SPOP: variants seen among roughly 807,000 people sequenced by gnomAD.
SPOP encodes the protein speckle-type POZ protein.
A neutral mutation model predicts 45.6 loss-of-function variants in SPOP; 11 were observed. That is an observed-to-expected ratio of 0.24 (90% CI 0.15 to 0.40). SPOP has a LOEUF of 0.40. Among genes scored for constraint, SPOP ranks in the 10% least tolerant of loss-of-function variants. SPOP has a pLI of 1.00. For synonymous variants in SPOP, 166 were observed against 166.3 expected, an observed-to-expected ratio of 1.00 and a Z score of 0.01; for missense variants, 152 against 465.6, an observed-to-expected ratio of 0.33 and a Z score of 6.20.
At chr17:49,671,484 C>T (rs190965471) in intron 1 of SPOP, among the ~76,000 whole-genome samples, 1 of 151,890 alleles carries the variant, frequency 6.6e-6, no homozygotes, top group East Asian at 2.0e-4. Flanking sequence ...AGCAAGGAAG[C>T]ACTCATAGCT....
At chr17:49,608,991 G>A (rs935162961) in intron 6 of SPOP, among the ~76,000 whole-genome samples, 55 of 151,408 alleles carry the variant, frequency 3.6e-4, no homozygotes, top group African/African-American at 1.2e-3. Context: ...TCATTGCAAC[G>A]TCTGCCTCCT....
chr17:49,672,466 T>G (rs2073147897), intron 1 of SPOP, among the ~76,000 whole-genome samples: 1 of 152,246 alleles, frequency 6.6e-6, no homozygotes, highest in African/African-American at 2.4e-5. Context: ...TATGACATTG[T>G]GTTTCTCCTA....
intron 6 of SPOP, among the ~76,000 whole-genome samples, chr17:49,608,456 T>C (rs1174366295): frequency 6.6e-6 from 1 of 152,124 alleles, no homozygotes; most frequent in Non-Finnish European, 1.5e-5. Context: ...AGAGATGATA[T>C]TGCCCCAAAG....
Position 49,624,331 on chromosome 17 carries a change from G to GCGCACA in SPOP, c.-66-1456_-66-1455insTGTGCG, listed in dbSNP as rs71352523. Among the ~76,000 whole-genome samples, 535 of 149,304 alleles carry GCGCACA rather than the reference G, an allele frequency of 3.6e-3. 2 individuals carry two copies. Among genetic ancestry groups the GCGCACA allele is most frequent in the African/African-American group, 9.3e-3 (376 of 40,280 alleles). On this transcript the variant is annotated intron_variant, in intron 1 of 9. Coordinates refer to ENST00000504102, the MANE Select transcript of SPOP (RefSeq NM_001007228.2). ...GGAACACACACACACGCGCGCGCGC[G>GCGCACA]CACACACACACACACACACACACAC...
chr17:49,673,800 C>G (rs958131137), intron 1 of SPOP, among the ~76,000 whole-genome samples: 1 of 152,136 alleles, frequency 6.6e-6, no homozygotes, highest in African/African-American at 2.4e-5. Flanking sequence ...GTTCTGTTTT[C>G]TAATTGTTCT....
At chr17:49,672,483 TGCA>T (rs2073148267) in intron 1 of SPOP, among the ~76,000 whole-genome samples, 1 of 152,234 alleles carries the variant, frequency 6.6e-6, no homozygotes, top group Non-Finnish European at 1.5e-5. Flanking sequence ...CCTACTATGA[TGCA>T]GCGAGGAGCA....
chr17:49,630,223 T>G (rs1305960526), intron 1 of SPOP, among the ~76,000 whole-genome samples: 1 of 152,216 alleles, frequency 6.6e-6, no homozygotes, highest in African/African-American at 2.4e-5. Flanking sequence ...AAGACTTTTG[T>G]ATACTAATTT....
chr17:49,665,649 GACACACACACACACACACACACAC>G (rs71352530), intron 1 of SPOP, among the ~76,000 whole-genome samples: 5 of 126,790 alleles, frequency 3.9e-5, no homozygotes, highest in South Asian at 2.7e-4. Context: ...TATATATACA[GACACACACACACACACACACACAC>G]ACACACACAC....
chr17:49,611,512 C>A, intron 5 of SPOP, 55 bp from the exon 6 acceptor site: 1 of 1,496,804 alleles, frequency 6.7e-7, no homozygotes, highest in Non-Finnish European at 9.0e-7. Context: ...ATTTTTTTGC[C>A]AGCAGATAGA....
chr17:49,617,034 A>G (rs944446947), intron 5 of SPOP, among the ~76,000 whole-genome samples: 1 of 152,226 alleles, frequency 6.6e-6, no homozygotes, highest in Non-Finnish European at 1.5e-5. Flanking sequence ...GGGCAGGCCA[A>G]CTGGCTTCCA....
chr17:49,653,631 A>T lies in SPOP; in HGVS notation c.-67+24302T>A, dbSNP rs980799705. Among the ~76,000 whole-genome samples the T allele has an allele frequency of 9.2e-5, 14 of 151,822 alleles. No homozygotes were observed. In the East Asian group the frequency reaches 2.7e-3, roughly 29 times the overall value. The stretch of plus-strand genomic sequence containing the variant: ...TCAAATTGCCCTCCAAAATATATCA[A>T]TATGTACTTCCAATGTGACTCCCAC... On this transcript the variant is annotated intron_variant, in intron 1 of 9. Transcript: ENST00000504102.
chr17:49,666,194 T>G (rs545377048), intron 1 of SPOP, among the ~76,000 whole-genome samples: 1 of 151,790 alleles, frequency 6.6e-6, no homozygotes, highest in East Asian at 1.9e-4. Flanking sequence ...ATTAGAAAAG[T>G]TGTAGGGAAC....
Position 49,659,785 on chromosome 17 carries a change from T to C in SPOP, c.-67+18148A>G, listed in dbSNP as rs539579108. ...CCTCATTCGCATCTCAAATTTAACA[T>C]GTCTAAAATTGAACTCCTGATTTCT... On this transcript the variant is annotated intron_variant, in intron 1 of 9. Transcript: ENST00000504102. Among the ~76,000 whole-genome samples, 35 of 152,330 alleles carry C rather than the reference T, an allele frequency of 2.3e-4. No individual in the cohort carries two copies. In the South Asian group the frequency reaches 4.6e-3, roughly 20 times the overall value.
At chr17:49,621,917 T>G in intron 3 of SPOP, 29 bp downstream of exon 3, 1 of 1,607,662 alleles carries the variant, frequency 6.2e-7, no homozygotes, top group Non-Finnish European at 8.5e-7. Context: ...TTCAGAAAAA[T>G]TTTTACAGTT....
chr17:49,606,491 T>G (rs1009750501), intron 8 of SPOP, among the ~76,000 whole-genome samples: 25 of 118,490 alleles, frequency 2.1e-4, no homozygotes, highest in African/African-American at 8.3e-4. Flanking sequence ...CTTGTTTCTT[T>G]TTTCTTTTTT....
chr17:49,655,662 T>C (rs906899710), intron 1 of SPOP, among the ~76,000 whole-genome samples: 3 of 152,018 alleles, frequency 2.0e-5, no homozygotes, highest in African/African-American at 7.3e-5. Context: ...ATCATGGGAG[T>C]GAATTCAAGA....
Position 49,600,717 on chromosome 17 carries a change from T to C in SPOP, c.981-195A>G, listed in dbSNP as rs2143101305. On this transcript the variant is annotated intron_variant, in intron 9 of 9. Coordinates refer to ENST00000504102, the MANE Select transcript of SPOP (RefSeq NM_001007228.2). The surrounding 1 kb of genome is among the most constrained non-coding windows in gnomAD (Gnocchi z 4.2). ...GGTGACTTGCCTGTGGCTGTCGTCATCTGAAAACCAAGACTTTGAGCCACT... is the reference window on the plus strand; with the variant it reads ...GGTGACTTGCCTGTGGCTGTCGTCACCTGAAAACCAAGACTTTGAGCCACT... 1 of 601,914 alleles carries C rather than the reference T, an allele frequency of 1.7e-6. No homozygotes were observed. Among genetic ancestry groups the C allele is most frequent in the Non-Finnish European group, 2.9e-6 (1 of 346,698 alleles). The allele number at this position is 601,914 out of a possible 1,614,324, so 37.3% of individuals were successfully genotyped here. A position where few individuals can be genotyped will look rare whatever the true frequency, so the allele number is the denominator to read the frequency against.
chr17:49,632,749 C>T (rs1365556425), intron 1 of SPOP, among the ~76,000 whole-genome samples: 3 of 151,978 alleles, frequency 2.0e-5, no homozygotes, highest in East Asian at 1.9e-4. Flanking sequence ...AAATTACAGG[C>T]GTGAGCCACT....
intron 1 of SPOP, among the ~76,000 whole-genome samples, chr17:49,648,134 C>T (rs1721388992): frequency 6.6e-6 from 1 of 152,166 alleles, no homozygotes; most frequent in Non-Finnish European, 1.5e-5. Context: ...CCATTTTTGT[C>T]CAAGCCAGAG....
Sources: allele counts gnomAD v4.1 joint callset (sites outside exome capture counted in the v4.1 genomes callset), GRCh38; gene constraint gnomAD v4.1.1; non-coding constraint Gnocchi (gnomAD v3.1); transcripts MANE v1.5; gene names NCBI Gene and HGNC (gene_info 2026-07-23, HGNC 2026-07-21).